Variants in KIAA0319L observed in about 807,000 individuals in gnomAD.
KIAA0319L encodes dyslexia-associated protein KIAA0319-like protein.
KIAA0319L carries 55 observed loss-of-function variants against 120.1 expected under a neutral mutation model. The ratio of observed to expected loss-of-function variants is 0.46; its 90% CI spans 0.37 to 0.57. The LOEUF is 0.57. Ranked by LOEUF, KIAA0319L falls within the 20% of genes least tolerant of loss-of-function variation. The pLI is 0.00. For synonymous variants in KIAA0319L, 398 were observed against 471.9 expected (o/e 0.84, Z 2.03); for missense variants, 1,049 against 1,255.3 (o/e 0.84, Z 2.48).
rs942559950 is a variant in KIAA0319L at position 35,433,555 on chromosome 1, G to C, written c.*1339C>G. ...AGTAGTGCAGTAGTAGAAATTATAA[G>C]TGTCTCTTTAAAAAGTCACTCCCCC... is the stretch of plus-strand genomic sequence containing the variant. On this transcript the variant is annotated 3_prime_UTR_variant, in exon 21 of 21. Coordinates refer to ENST00000325722, the MANE Select transcript of KIAA0319L (RefSeq NM_024874.5). The C allele has an allele frequency of 1.3e-5, 2 of 152,266 alleles. No homozygotes were observed. Among genetic ancestry groups the C allele is most frequent in the Admixed American group, 6.5e-5 (1 of 15,284 alleles). 9.4% of individuals were successfully genotyped at this position (152,266 alleles called of 1,614,324 possible). A position where few individuals can be genotyped will look rare whatever the true frequency, so the allele number is the denominator to read the frequency against.
Position 35,526,388 on chromosome 1 carries a change from CATATATAT to C in KIAA0319L, c.143-19261_143-19254del, listed in dbSNP as rs60847372. Among the ~76,000 whole-genome samples, 27 of 127,138 alleles carry C rather than the reference CATATATAT, an allele frequency of 2.1e-4. No homozygotes were observed. The South Asian group carries it at 3.7e-3, about 17-fold the overall frequency. 83.4% of individuals were successfully genotyped at this position (127,138 alleles called of 152,430 possible). On this transcript the variant is annotated intron_variant, in intron 2 of 20. Coordinates refer to ENST00000325722, the MANE Select transcript of KIAA0319L (RefSeq NM_024874.5). ...ATATACATACATATATATATACATA[CATATATAT>C]ATATATATATATATACACACATACA... is the stretch of plus-strand genomic sequence containing the variant.
upstream of KIAA0319L, chr1:35,557,513 G>C: frequency 2.7e-6 from 1 of 364,762 alleles, no homozygotes; most frequent in Non-Finnish European, 5.4e-6. Flanking sequence ...AGACCAAGGG[G>C]GAGGAGGGGC....
chr1:35,452,865 CA>C (rs554586768), intron 12 of KIAA0319L, among the ~76,000 whole-genome samples: 1 of 149,702 alleles, frequency 6.7e-6, no homozygotes, highest in South Asian at 2.1e-4. Flanking sequence ...AAACACAATA[CA>C]AAAAAAAACC....
At chr1:35,502,424 A>G (rs553914637) in intron 3 of KIAA0319L, among the ~76,000 whole-genome samples, 7 of 143,944 alleles carry the variant, frequency 4.9e-5, no homozygotes, top group South Asian at 2.3e-4. Flanking sequence ...TGCTGCTGTC[A>G]TCATCATCAT....
chr1:35,497,177 G>A (rs1465387870), intron 3 of KIAA0319L, among the ~76,000 whole-genome samples: 1 of 151,068 alleles, frequency 6.6e-6, no homozygotes, highest in Non-Finnish European at 1.5e-5. Context: ...GATAAATGGG[G>A]ACAAGGGAAG....
intron 2 of KIAA0319L, among the ~76,000 whole-genome samples, chr1:35,541,916 C>T (rs909741445): frequency 4.6e-5 from 7 of 152,140 alleles, no homozygotes; most frequent in Middle Eastern, 3.2e-3. Context: ...ATTACAATCA[C>T]GGAAAATGCA....
rs1467584517 is a variant in KIAA0319L at position 35,456,079 on chromosome 1, A to G, written c.1590T>C (p.Asp530=). The G allele has an allele frequency of 4.3e-6, 7 of 1,613,904 alleles. No individual in the cohort carries two copies. Among genetic ancestry groups the G allele is most frequent in the Non-Finnish European group, 5.1e-6 (6 of 1,179,988 alleles). The change falls in exon 10 of 21, where the codon GAT becomes GAC. Residue 530 remains aspartate (D), a synonymous_variant. Coordinates refer to ENST00000325722, the MANE Select transcript of KIAA0319L (RefSeq NM_024874.5). ...ITLFGNQSTD[D]HGITSYEWSL... ...ACCACTCATAGCTGGTGATGCCATG[A>G]TCATCAGTGCTCTGGTTCCCAAAGA...
chr1:35,495,228 C>A (rs1033558418), intron 3 of KIAA0319L, among the ~76,000 whole-genome samples: 1 of 151,872 alleles, frequency 6.6e-6, no homozygotes, highest in East Asian at 1.9e-4. Flanking sequence ...CAAAAATTAA[C>A]CAGGCGTGGT....
At chr1:35,544,679 T>C (rs1646917708) in intron 2 of KIAA0319L, among the ~76,000 whole-genome samples, 1 of 152,150 alleles carries the variant, frequency 6.6e-6, no homozygotes, top group Non-Finnish European at 1.5e-5. Context: ...TGCTAGATGC[T>C]AGAGATGTAA....
At chr1:35,472,310 T>C (rs752956809) in intron 5 of KIAA0319L, among the ~76,000 whole-genome samples, 4 of 152,172 alleles carry the variant, frequency 2.6e-5, no homozygotes, top group Non-Finnish European at 5.9e-5. Flanking sequence ...GACTGACTGA[T>C]TGAGATGAAG....
At chr1:35,552,105 GAGGCCA>G (rs1453458212) in intron 2 of KIAA0319L, among the ~76,000 whole-genome samples, 1 of 151,982 alleles carries the variant, frequency 6.6e-6, no homozygotes, top group East Asian at 1.9e-4. Context: ...AGCACTTTGG[GAGGCCA>G]AGATGGGCAG....
rs148377422 is a variant in KIAA0319L, at chr1:35,499,690, T to C, written c.666+6922A>G. ...AGAACTATTAGATTAGAGGAGAAAA[T>C]GGGTAGCTATGAAGGGAAAAAAAAA... On this transcript the variant is annotated intron_variant, in intron 3 of 20. Coordinates refer to ENST00000325722, the MANE Select transcript of KIAA0319L (RefSeq NM_024874.5). Among the ~76,000 whole-genome samples, 29 of 144,826 alleles carry C rather than the reference T, an allele frequency of 2.0e-4. No individual in the cohort carries two copies. The East Asian group carries it at 5.9e-3, about 29-fold the overall frequency.
intron 2 of KIAA0319L, among the ~76,000 whole-genome samples, chr1:35,532,890 C>G (rs1422477495): frequency 6.6e-6 from 1 of 152,162 alleles, no homozygotes; most frequent in East Asian, 1.9e-4. Flanking sequence ...AAAATCATAG[C>G]AAAGCAGAGA....
chr1:35,483,681 C>G (rs1366755985), intron 3 of KIAA0319L, among the ~76,000 whole-genome samples: 1 of 152,108 alleles, frequency 6.6e-6, no homozygotes, highest in Non-Finnish European at 1.5e-5. Context: ...TGTTCTTTTT[C>G]AAAATCATTT....
At chr1:35,548,892 G>A (rs540980976) in intron 2 of KIAA0319L, among the ~76,000 whole-genome samples, 3 of 152,236 alleles carry the variant, frequency 2.0e-5, no homozygotes, top group African/African-American at 7.2e-5. Context: ...CATTGCATGG[G>A]AATACCCTTT....
At position 35,496,946 on chromosome 1, in the gene KIAA0319L, C is replaced by CA. The variant is rs1558484218; in HGVS notation, c.666+9665_666+9666insT. On this transcript the variant is annotated intron_variant, in intron 3 of 20. Coordinates refer to ENST00000325722, the MANE Select transcript of KIAA0319L (RefSeq NM_024874.5). ...TGAGCAACAGAGTGAGATTGTGTCTCCAAAAAAAAAAAAAAAAAAAAAAAG... is the reference window on the plus strand; with the variant it reads ...TGAGCAACAGAGTGAGATTGTGTCTCACAAAAAAAAAAAAAAAAAAAAAAAG... 9.3e-3 allele frequency among the ~76,000 whole-genome samples: 596 copies of CA among 63,794 alleles called. 50 individuals are homozygous for CA. The highest frequency in any genetic ancestry group is 0.063 in the African/African-American group (501 of 7,894). 41.9% of individuals were successfully genotyped at this position (63,794 alleles called of 152,430 possible).
At chr1:35,533,025 G>A (rs1216523289) in intron 2 of KIAA0319L, 3 of 152,202 alleles carry the variant, frequency 2.0e-5, no homozygotes, top group African/African-American at 7.2e-5. Flanking sequence ...ACAAAATCTA[G>A]ACCAGGTTTC....
chr1:35,547,411 CAT>C (rs1647026636), intron 2 of KIAA0319L, among the ~76,000 whole-genome samples: 3 of 151,174 alleles, frequency 2.0e-5, no homozygotes, highest in Non-Finnish European at 4.4e-5. Context: ...AAATTAAAAA[CAT>C]ATGTTCACAC....
At chr1:35,516,611 A>C (rs1219168211) in intron 2 of KIAA0319L, among the ~76,000 whole-genome samples, 1 of 152,242 alleles carries the variant, frequency 6.6e-6, no homozygotes, top group African/African-American at 2.4e-5. Context: ...CTGAATGGGC[A>C]AAAGCTGGAA....
Sources: allele counts gnomAD v4.1 joint callset (sites outside exome capture counted in the v4.1 genomes callset), GRCh38; gene constraint gnomAD v4.1.1; transcripts MANE v1.5; gene names NCBI Gene and HGNC (gene_info 2026-07-23, HGNC 2026-07-21).